The following VPS13B variants were observed in gnomAD, a reference collection of about 807,000 sequenced individuals.
VPS13B encodes intermembrane lipid transfer protein VPS13B.
A neutral mutation model predicts 426.4 loss-of-function variants in VPS13B; 285 were observed. That is an observed-to-expected ratio of 0.67 (90% CI 0.61 to 0.74). The LOEUF (loss-of-function observed/expected upper bound fraction) is 0.74. VPS13B is among the 30% of genes least tolerant of loss of function. The pLI, the probability that VPS13B is intolerant of heterozygous loss-of-function variation, is 0.00. For synonymous variants in VPS13B, 1,676 were observed against 1,676.4 expected, an observed-to-expected ratio of 1.00 and a Z score of 0.01; for missense variants, 4,537 against 4,782.6, an observed-to-expected ratio of 0.95 and a Z score of 1.51.
Position 99,029,803 on chromosome 8 carries a change from G to C in VPS13B, c.148-8620G>C, listed in dbSNP as rs1200877143. ...GGAAAGAGGGAGAGGGAGAGGGAGA[G>C]GGAGACGGAGAGGGAGAGGGAGAGG... On this transcript the variant is annotated intron_variant, in intron 2 of 61. Transcript: ENST00000357162. Among the ~76,000 whole-genome samples, 3 of 145,860 alleles carry C rather than the reference G, an allele frequency of 2.1e-5. No individual in the cohort carries two copies. In the South Asian group the frequency reaches 6.6e-4, roughly 32 times the overall value.
At chr8:99,494,536 T>G (rs1820789637) in intron 25 of VPS13B, among the ~76,000 whole-genome samples, 1 of 152,144 alleles carries the variant, frequency 6.6e-6, no homozygotes, top group South Asian at 2.1e-4. Context: ...TTTGTGTATG[T>G]TGGTGTTGTA....
intron 19 of VPS13B, among the ~76,000 whole-genome samples, chr8:99,295,036 T>C (rs1207226308): frequency 6.6e-6 from 1 of 152,166 alleles, no homozygotes; most frequent in African/African-American, 2.4e-5. Flanking sequence ...CTTATCTTCA[T>C]TGACAAACAT....
At chr8:99,521,546 A>G (rs923568805) in intron 30 of VPS13B, among the ~76,000 whole-genome samples, 4 of 152,242 alleles carry the variant, frequency 2.6e-5, no homozygotes, top group East Asian at 1.9e-4. Flanking sequence ...CACACCAAGC[A>G]TACATGGACA....
chr8:99,209,751 G>T (rs1325522562), intron 17 of VPS13B: 1 of 966,602 alleles, frequency 1.0e-6, no homozygotes, highest in Non-Finnish European at 1.2e-6. Context: ...TAATTGTATA[G>T]TCAAAATGGC....
intron 21 of VPS13B, among the ~76,000 whole-genome samples, chr8:99,421,160 T>A (rs1181040457): frequency 6.6e-6 from 1 of 152,142 alleles, no homozygotes; most frequent in Admixed American, 6.5e-5. Flanking sequence ...TGTAGTACTT[T>A]TTCCATGGGA....
At chr8:99,731,506 T>C (rs552014534) in intron 39 of VPS13B, among the ~76,000 whole-genome samples, 2 of 152,242 alleles carry the variant, frequency 1.3e-5, no homozygotes, top group Non-Finnish European at 2.9e-5. Context: ...GAGTGTGGGG[T>C]TTATATTTCA....
intron 19 of VPS13B, among the ~76,000 whole-genome samples, chr8:99,314,059 C>T (rs1411878921): frequency 2.0e-5 from 3 of 152,024 alleles, no homozygotes; most frequent in Non-Finnish European, 4.4e-5. Context: ...TTCCAGGTGC[C>T]GTCTGTCACA....
At chr8:99,104,994 C>T (rs1482044687) in intron 5 of VPS13B, among the ~76,000 whole-genome samples, 1 of 152,124 alleles carries the variant, frequency 6.6e-6, no homozygotes, top group Non-Finnish European at 1.5e-5. Context: ...TTCCTTTATT[C>T]ATCATAAATC....
At chr8:99,203,395 C>T (rs1025999345) in intron 17 of VPS13B, among the ~76,000 whole-genome samples, 4 of 152,128 alleles carry the variant, frequency 2.6e-5, no homozygotes, top group African/African-American at 7.2e-5. Flanking sequence ...GGCAAACTCA[C>T]AGCCAGTATC....
intron 17 of VPS13B, among the ~76,000 whole-genome samples, chr8:99,273,358 G>C (rs964885193): frequency 2.0e-5 from 3 of 151,664 alleles, no homozygotes; most frequent in Non-Finnish European, 4.4e-5. Context: ...AGTAGAGATG[G>C]GGTTTCACCA....
chr8:99,375,775 A>G (rs1265190458), intron 19 of VPS13B, among the ~76,000 whole-genome samples: 2 of 152,210 alleles, frequency 1.3e-5, no homozygotes, highest in African/African-American at 4.8e-5. Context: ...CAAATCTACA[A>G]ATTTCTTTAC....
rs543491849 is a variant in VPS13B, at chr8:99,042,109, C to T, written c.291+3543C>T. Among the ~76,000 whole-genome samples, 12 of 150,536 alleles carry T rather than the reference C, an allele frequency of 8.0e-5. No individual in the cohort carries two copies. In the East Asian group the frequency reaches 2.3e-3, roughly 29 times the overall value. ...GTGCAGAGGCCGCGCCATTGCACTC[C>T]AGCCTGGGCAACAAGAGTGAAACTC... is the stretch of plus-strand genomic sequence containing the variant. On this transcript the variant is annotated intron_variant, in intron 3 of 61. Transcript: ENST00000357162.
chr8:99,843,786 C>A (rs1416844996), intron 54 of VPS13B, among the ~76,000 whole-genome samples: 1 of 152,186 alleles, frequency 6.6e-6, no homozygotes, highest in African/African-American at 2.4e-5. Flanking sequence ...CTTCCTTGGA[C>A]ACTTGAAGTT....
rs1315037536 is a variant in VPS13B, at chr8:99,121,091, G to A, written c.938-86G>A. On this transcript the variant is annotated intron_variant, in intron 7 of 61. Transcript: ENST00000357162. ...TATACCTTATATTAGAAGGATATGGGAGGAAAAATTTTAAAGGATGTCTAT... is the reference window on the plus strand; with the variant it reads ...TATACCTTATATTAGAAGGATATGGAAGGAAAAATTTTAAAGGATGTCTAT... 3.0e-6 allele frequency: 4 copies of A among 1,322,168 alleles called. No homozygotes were observed. In the East Asian group the frequency reaches 1.0e-4, roughly 33 times the overall value. The allele number at this position is 1,322,168 out of a possible 1,614,324, so 81.9% of individuals were successfully genotyped here.
chr8:99,609,157 T>A lies in VPS13B; in HGVS notation c.5220+31524T>A, dbSNP rs535936955. ...ATTCTGTTATGTTATAGTTCATTGG[T>A]TTCTCTTGACTTAGAATGAATCTTT... On this transcript the variant is annotated intron_variant, in intron 33 of 61. Coordinates refer to ENST00000357162, the MANE Select transcript of VPS13B (RefSeq NM_152564.5). 8.5e-5 allele frequency among the ~76,000 whole-genome samples: 13 copies of A among 152,330 alleles called. No homozygotes were observed. In the South Asian group the frequency reaches 1.0e-3, roughly 12 times the overall value.
At chr8:99,535,340 C>CA (rs1224246460) in intron 30 of VPS13B, among the ~76,000 whole-genome samples, 1 of 152,152 alleles carries the variant, frequency 6.6e-6, no homozygotes, top group Admixed American at 6.5e-5. Flanking sequence ...TCACTGAGGT[C>CA]ACTGTCCTAG....
At chr8:99,744,826 G>C (rs193269690) in intron 39 of VPS13B, among the ~76,000 whole-genome samples, 1 of 151,902 alleles carries the variant, frequency 6.6e-6, no homozygotes, top group African/African-American at 2.4e-5. Flanking sequence ...GTTGTGGGGT[G>C]GGGGGAAGGG....
intron 3 of VPS13B, among the ~76,000 whole-genome samples, chr8:99,053,219 C>T (rs913867085): frequency 6.6e-6 from 1 of 151,476 alleles, no homozygotes. Flanking sequence ...ATACATGTGC[C>T]ATGTTTGTGT....
intron 8 of VPS13B, among the ~76,000 whole-genome samples, chr8:99,131,696 G>C (rs1481520489): frequency 2.0e-5 from 3 of 152,158 alleles, no homozygotes; most frequent in African/African-American, 7.2e-5. Flanking sequence ...CTTTCAGCAA[G>C]TCATAACTTT....
Sources: allele counts gnomAD v4.1 joint callset (sites outside exome capture counted in the v4.1 genomes callset), GRCh38; gene constraint gnomAD v4.1.1; transcripts MANE v1.5; gene names NCBI Gene and HGNC (gene_info 2026-07-23, HGNC 2026-07-21).